UTS2: variants seen among roughly 807,000 people sequenced by gnomAD.
The protein encoded by UTS2 is urotensin-2.
Under a neutral mutation model 12.6 loss-of-function variants are expected in UTS2, and 10 were observed. The observed-to-expected ratio is 0.80, with a 90% CI of 0.49 to 1.35. The LOEUF is 1.35. Among genes scored for constraint, UTS2 ranks in the 40% most tolerant of loss-of-function variants. UTS2 has a pLI of 0.00. For missense variants in UTS2, 142 were observed against 143.2 expected (o/e 0.99, Z 0.04); for synonymous variants, 52 against 50.0 (o/e 1.04, Z -0.17).
the UTS2 span, among the ~76,000 whole-genome samples, chr1:7,859,952 T>C: frequency 1.3e-5 from 2 of 151,934 alleles, no homozygotes; most frequent in Admixed American, 1.3e-4. Context: ...TGAGCCAAGA[T>C]TGCACCACTG....
chr1:7,855,232 AC>A (rs1638284759), upstream of UTS2, among the ~76,000 whole-genome samples: 1 of 152,188 alleles, frequency 6.6e-6, no homozygotes, highest in African/African-American at 2.4e-5. Flanking sequence ...GATGAACAAA[AC>A]TGATAAATTG....
At chr1:7,872,015 A>T in the UTS2 span, among the ~76,000 whole-genome samples, 1 of 152,174 alleles carries the variant, frequency 6.6e-6, no homozygotes, top group Non-Finnish European at 1.5e-5. Context: ...GAAATGATTA[A>T]GTTTGGCCGG....
At chr1:7,904,790 G>C in the UTS2 span, among the ~76,000 whole-genome samples, 1 of 150,036 alleles carries the variant, frequency 6.7e-6, no homozygotes, top group African/African-American at 2.5e-5. Context: ...TGTAAACCCA[G>C]CTAATTGGAA....
the UTS2 span, among the ~76,000 whole-genome samples, chr1:7,904,705 G>C: frequency 1.3e-5 from 2 of 152,176 alleles, no homozygotes; most frequent in Admixed American, 1.3e-4. Context: ...ATGAGTTCAA[G>C]ACCAGCCTGG....
At chr1:7,909,234 G>A in the UTS2 span, among the ~76,000 whole-genome samples, 4 of 152,150 alleles carry the variant, frequency 2.6e-5, no homozygotes, top group East Asian at 1.9e-4. Context: ...GCGTATCAGC[G>A]TAGCTTTTTG....
At chr1:7,859,231 A>C in the UTS2 span, among the ~76,000 whole-genome samples, 1 of 152,216 alleles carries the variant, frequency 6.6e-6, no homozygotes, top group Non-Finnish European at 1.5e-5. Flanking sequence ...GCTCTCAGAT[A>C]GACTTTTAAT....
At chr1:7,885,872 C>T in the UTS2 span, among the ~76,000 whole-genome samples, 1 of 105,394 alleles carries the variant, frequency 9.5e-6, no homozygotes, top group South Asian at 2.9e-4. Context: ...AGGGGCTTAT[C>T]GGGCCAGAGG....
chr1:7,858,998 C>T, the UTS2 span, among the ~76,000 whole-genome samples: 1 of 152,130 alleles, frequency 6.6e-6, no homozygotes, highest in Admixed American at 6.5e-5. Context: ...CACTGATTGC[C>T]AAATAAATAT....
At chr1:7,866,106 C>T in the UTS2 span, among the ~76,000 whole-genome samples, 2 of 152,188 alleles carry the variant, frequency 1.3e-5, no homozygotes, top group African/African-American at 4.8e-5. The surrounding 1 kb of genome is among the most constrained non-coding windows in gnomAD (Gnocchi z 4.5). Context: ...GAGGAACCGT[C>T]ATGGTCGACC....
At chr1:7,865,929 C>T in the UTS2 span, among the ~76,000 whole-genome samples, 3 of 152,140 alleles carry the variant, frequency 2.0e-5, no homozygotes, top group Non-Finnish European at 4.4e-5. Flanking sequence ...AGTGAGACCC[C>T]GTCTCAAATA....
the UTS2 span, among the ~76,000 whole-genome samples, chr1:7,863,004 T>C: frequency 1.0e-4 from 2 of 19,886 alleles, no homozygotes; most frequent in African/African-American, 3.5e-4. Flanking sequence ...TATTGTATTG[T>C]ATTGTATTGT....
chr1:7,860,013 C>CAT, the UTS2 span, among the ~76,000 whole-genome samples: 20,029 of 151,368 alleles, frequency 0.13, 1,394 homozygotes, highest in Middle Eastern at 0.26. Flanking sequence ...AAAATGCATA[C>CAT]ATATATATAT....
At chr1:7,865,049 A>C in the UTS2 span, among the ~76,000 whole-genome samples, 1 of 40,426 alleles carries the variant, frequency 2.5e-5, no homozygotes, top group African/African-American at 6.3e-5. Flanking sequence ...TCTGTCCGAT[A>C]CCATCATCCC....
chr1:7,906,001 G>A, the UTS2 span, among the ~76,000 whole-genome samples: 9 of 152,124 alleles, frequency 5.9e-5, no homozygotes, highest in East Asian at 1.7e-3. Context: ...GGTGGGGGTC[G>A]GGAACACACG....
the UTS2 span, among the ~76,000 whole-genome samples, chr1:7,861,629 G>A: frequency 1.3e-5 from 2 of 152,152 alleles, no homozygotes; most frequent in East Asian, 3.9e-4. Flanking sequence ...CAGGCCCCAG[G>A]TCAACGCTAG....
the UTS2 span, among the ~76,000 whole-genome samples, chr1:7,876,912 G>A: frequency 2.0e-5 from 3 of 151,802 alleles, no homozygotes; most frequent in East Asian, 3.9e-4. Context: ...CAGGTGGATT[G>A]CGAGGTCAGG....
At chr1:7,894,731 C>G in the UTS2 span, among the ~76,000 whole-genome samples, 3 of 151,926 alleles carry the variant, frequency 2.0e-5, no homozygotes, top group Non-Finnish European at 2.9e-5. Context: ...CCTGTGATCC[C>G]AACACTTTGG....
At chr1:7,863,057 TGTA>T in the UTS2 span, among the ~76,000 whole-genome samples, 1 of 75,882 alleles carries the variant, frequency 1.3e-5, no homozygotes, top group African/African-American at 4.8e-5. Flanking sequence ...TGTATTGTAT[TGTA>T]TTGTATTGTA....
the UTS2 span, among the ~76,000 whole-genome samples, chr1:7,862,342 C>G: frequency 6.6e-6 from 1 of 152,078 alleles, no homozygotes; most frequent in East Asian, 1.9e-4. Flanking sequence ...CTGGGCCTGT[C>G]TAGGTCCATT....
Sources: gnomAD v4.1 joint callset for allele counts (sites outside exome capture counted in the v4.1 genomes callset) on GRCh38, gnomAD v4.1.1 for gene constraint, Gnocchi (gnomAD v3.1) non-coding constraint, MANE v1.5 for transcripts, NCBI Gene and HGNC (gene_info 2026-07-23, HGNC 2026-07-21) for gene names.